RASEF: variants seen among roughly 807,000 people sequenced by gnomAD.
RASEF encodes the protein ras and EF-hand domain-containing protein.
RASEF carries 68 observed loss-of-function variants against 90.1 expected under a neutral mutation model. The ratio of observed to expected loss-of-function variants is 0.75; its 90% confidence interval spans 0.62 to 0.92. The LOEUF (loss-of-function observed/expected upper bound fraction) is 0.92, where lower values mean the gene tolerates loss of function less well. Among genes scored for constraint, RASEF ranks in the 40% least tolerant of loss-of-function variants. RASEF has a pLI of 0.00. For missense variants in RASEF, 949 were observed against 937.2 expected (o/e 1.01, Z -0.16); for synonymous variants, 331 against 345.2 (o/e 0.96, Z 0.46).
At chr9:83,031,680 T>A (rs1236997187) in intron 1 of RASEF, among the ~76,000 whole-genome samples, 5 of 152,200 alleles carry the variant, frequency 3.3e-5, no homozygotes, top group Non-Finnish European at 5.9e-5. Context: ...ACAAGATTTT[T>A]AAAAAATTAC....
At chr9:82,998,171 G>T (rs149494125) in intron 13 of RASEF, among the ~76,000 whole-genome samples, 194 bp downstream of exon 13, 1 of 152,194 alleles carries the variant, frequency 6.6e-6, no homozygotes, top group Non-Finnish European at 1.5e-5. Context: ...AGGAGTCATA[G>T]GTAAATGAAG....
the RASEF span, among the ~76,000 whole-genome samples, chr9:83,072,307 T>C: frequency 1.3e-5 from 2 of 152,222 alleles, no homozygotes; most frequent in South Asian, 4.1e-4. Flanking sequence ...ATATGCACTA[T>C]TTTTAAGACT....
chr9:83,083,577 A>G, the RASEF span, among the ~76,000 whole-genome samples: 2 of 152,296 alleles, frequency 1.3e-5, no homozygotes, highest in East Asian at 3.9e-4. Context: ...AAGAGGCAAA[A>G]AACCCACATA....
intron 1 of RASEF, among the ~76,000 whole-genome samples, chr9:83,041,436 AACAT>A (rs1273695956): frequency 2.6e-5 from 4 of 152,244 alleles, no homozygotes; most frequent in African/African-American, 9.6e-5. Flanking sequence ...GTTTTATGAA[AACAT>A]ACAAAAATAG....
chr9:83,129,275 C>T, the RASEF span, among the ~76,000 whole-genome samples: 59 of 151,964 alleles, frequency 3.9e-4, no homozygotes, highest in East Asian at 5.1e-3. Context: ...GGCATGGTGG[C>T]GGGCACCTGT....
chr9:83,142,993 C>T, the RASEF span, among the ~76,000 whole-genome samples: 1 of 152,130 alleles, frequency 6.6e-6, no homozygotes, highest in Non-Finnish European at 1.5e-5. Flanking sequence ...GGTCTGTTAT[C>T]TAGCTGGTCA....
Position 83,015,811 on chromosome 9 carries a change from T to A in RASEF, c.759A>T (p.Leu253=), listed in dbSNP as rs1374503528. The change falls in exon 4 of 17, where the codon CTA becomes CTT. Residue 253 remains leucine (L), a synonymous_variant. Transcript: ENST00000376447. Reference sequence around the variant, plus strand: ...CCAGCTGCCACATGCCTACCTTTCTTAGCTTTTTAATGGTCACCTGCAGAT... The same window carrying A: ...CCAGCTGCCACATGCCTACCTTTCTAAGCTTTTTAATGGTCACCTGCAGAT... ...VGDLQVTIKK[L]RKLEEQSKRV... is the part of the protein sequence containing the mutation. 3 of 1,612,824 alleles carry A rather than the reference T, an allele frequency of 1.9e-6. No homozygotes were observed. The South Asian group carries it at 3.3e-5, about 18-fold the overall frequency.
chr9:83,000,028 C>A lies in RASEF; in HGVS notation c.1723+141G>T, dbSNP rs981910115. On this transcript the variant is annotated intron_variant, in intron 12 of 16. Coordinates refer to ENST00000376447, the MANE Select transcript of RASEF (RefSeq NM_152573.4). The stretch of plus-strand genomic sequence containing the variant: ...ACACACACACACACACACACACACA[C>A]ACACACACATTTATATATGTGTGCA... 19 of 471,872 alleles carry A rather than the reference C, an allele frequency of 4.0e-5. 1 individual carries two copies. In the African/African-American group the frequency reaches 4.9e-4, roughly 12 times the overall value. The allele number at this position is 471,872 out of a possible 1,614,324, so 29.2% of individuals were successfully genotyped here.
At chr9:83,107,440 C>T in the RASEF span, among the ~76,000 whole-genome samples, 1 of 152,192 alleles carries the variant, frequency 6.6e-6, no homozygotes, top group Non-Finnish European at 1.5e-5. Flanking sequence ...CCTTCGACTT[C>T]ACATTTCTAT....
intron 16 of RASEF, among the ~76,000 whole-genome samples, chr9:82,984,544 A>G (rs991587649): frequency 1.3e-5 from 2 of 152,204 alleles, no homozygotes; most frequent in African/African-American, 4.8e-5. Context: ...TACCCCAGAC[A>G]CACACACCCG....
chr9:83,194,924 A>G, the RASEF span, among the ~76,000 whole-genome samples: 3 of 152,182 alleles, frequency 2.0e-5, no homozygotes, highest in East Asian at 1.9e-4. Context: ...GTCATTTCGC[A>G]TATTCCTTGC....
upstream of RASEF, among the ~76,000 whole-genome samples, chr9:83,067,664 T>C (rs1830293037): frequency 1.3e-5 from 2 of 152,226 alleles, no homozygotes; most frequent in African/African-American, 4.8e-5. Context: ...TCTGTAATGT[T>C]TCAAACAATA....
At position 83,006,965 on chromosome 9, in the gene RASEF, G is replaced by A. The variant is rs1371026049; in HGVS notation, c.1028+472C>T. On this transcript the variant is annotated intron_variant, in intron 7 of 16. Coordinates refer to ENST00000376447, the MANE Select transcript of RASEF (RefSeq NM_152573.4). Reference sequence around the variant, plus strand: ...AAAAATTAGCTGGGCCTGGTGGCGGGTGCCTGTAGTCCCAGCTACTCAGGA... The same window carrying A: ...AAAAATTAGCTGGGCCTGGTGGCGGATGCCTGTAGTCCCAGCTACTCAGGA... Among the ~76,000 whole-genome samples, 5 of 152,002 alleles carry A rather than the reference G, an allele frequency of 3.3e-5. No homozygotes were observed. In the East Asian group the frequency reaches 9.7e-4, roughly 30 times the overall value.
Position 82,985,419 on chromosome 9 carries a change from G to C in RASEF, c.2118-2637C>G, listed in dbSNP as rs547608706. 1.1e-4 allele frequency among the ~76,000 whole-genome samples: 16 copies of C among 152,162 alleles called. No homozygotes were observed. In the East Asian group the frequency reaches 2.7e-3, roughly 26 times the overall value. On this transcript the variant is annotated intron_variant, in intron 16 of 16. Coordinates refer to ENST00000376447, the MANE Select transcript of RASEF (RefSeq NM_152573.4). ...CCCATGACTCAATTACCTCCCCCGG[G>C]GTCCTTCCCACAACACATGGGAATT...
chr9:83,147,354 C>T, the RASEF span, among the ~76,000 whole-genome samples: 4 of 152,040 alleles, frequency 2.6e-5, no homozygotes, highest in Non-Finnish European at 5.9e-5. Flanking sequence ...AATCTTGTGG[C>T]TACATTTCTG....
chr9:83,166,794 G>T, the RASEF span, among the ~76,000 whole-genome samples: 49,184 of 151,894 alleles, frequency 0.32, 8,099 homozygotes, highest in Middle Eastern at 0.43. Context: ...ATTCACATTC[G>T]GCTGTAGTGC....
At chr9:83,163,534 G>A in the RASEF span, among the ~76,000 whole-genome samples, 4 of 152,240 alleles carry the variant, frequency 2.6e-5, no homozygotes, top group East Asian at 7.7e-4. Flanking sequence ...AAAATTCTAA[G>A]ACAACCAAAG....
the RASEF span, among the ~76,000 whole-genome samples, chr9:83,092,887 C>T: frequency 2.0e-5 from 3 of 152,104 alleles, no homozygotes. Flanking sequence ...TCCAAGGCCC[C>T]ACCAGAGTAG....
chr9:83,137,446 G>T, the RASEF span, among the ~76,000 whole-genome samples: 3 of 152,264 alleles, frequency 2.0e-5, no homozygotes, highest in South Asian at 6.2e-4. Flanking sequence ...TGTATTAAAA[G>T]TTAATCTTGA....
Sources: allele counts gnomAD v4.1 joint callset (sites outside exome capture counted in the v4.1 genomes callset), GRCh38; gene constraint gnomAD v4.1.1; transcripts MANE v1.5; gene names NCBI Gene and HGNC (gene_info 2026-07-23, HGNC 2026-07-21).